ATXN3: variants seen among roughly 807,000 people sequenced by gnomAD.
ATXN3 encodes ataxin 3.
ATXN3 carries 28 observed loss-of-function variants against 58.2 expected under a neutral mutation model. The ratio of observed to expected loss-of-function variants is 0.48; its 90% confidence interval spans 0.36 to 0.66. ATXN3 has a LOEUF of 0.66. Among genes scored for constraint, ATXN3 ranks in the 30% least tolerant of loss-of-function variants. ATXN3 has a pLI of 0.00. For synonymous variants in ATXN3, 113 were observed against 138.5 expected, an observed-to-expected ratio of 0.82 and a Z score of 1.29; for missense variants, 321 against 422.1, an observed-to-expected ratio of 0.76 and a Z score of 2.10.
At chr14:92,050,811 C>T (rs994011322), upstream of ATXN3, among the ~76,000 whole-genome samples, 19 of 152,204 alleles carry the variant, frequency 1.2e-4, no homozygotes, top group African/African-American at 2.9e-4. Context: ...CCACCACACC[C>T]GGCTAATTTT....
intron 10 of ATXN3, among the ~76,000 whole-genome samples, chr14:92,067,880 A>G (rs373595567): frequency 5.3e-5 from 8 of 152,316 alleles, no homozygotes; most frequent in African/African-American, 1.9e-4. Flanking sequence ...CTGTGATGTC[A>G]AGGAGTGGCG....
At chr14:92,077,978 CTTT>C (rs112851203) in intron 9 of ATXN3, among the ~76,000 whole-genome samples, 9 of 140,274 alleles carry the variant, frequency 6.4e-5, no homozygotes, top group Admixed American at 1.4e-4. Flanking sequence ...TTTCTTTTCT[CTTT>C]TTTTTTTTTT....
chr14:92,102,204 G>T (rs562971378), intron 1 of ATXN3, among the ~76,000 whole-genome samples: 2 of 126,932 alleles, frequency 1.6e-5, no homozygotes, highest in East Asian at 4.6e-4. Flanking sequence ...TCCAAAGAAA[G>T]AAAAGAAAGA....
intron 1 of ATXN3, among the ~76,000 whole-genome samples, chr14:92,101,631 G>GA (rs1370163963): frequency 6.6e-6 from 1 of 152,186 alleles, no homozygotes; most frequent in Non-Finnish European, 1.5e-5. Context: ...GCCAAGGCAG[G>GA]TTGATCACTT....
At chr14:92,048,690 A>G (rs555611500) in intron 1 of ATXN3, among the ~76,000 whole-genome samples, 1 of 152,324 alleles carries the variant, frequency 6.6e-6, no homozygotes, top group African/African-American at 2.4e-5. Flanking sequence ...AGTCACAGAA[A>G]GAAACTGTAA....
intron 3 of ATXN3, among the ~76,000 whole-genome samples, chr14:92,095,445 T>C (rs1244869291): frequency 6.6e-6 from 1 of 150,564 alleles, no homozygotes; most frequent in Non-Finnish European, 1.5e-5. Flanking sequence ...GGTTTCACCA[T>C]GTTAGCCAGG....
intron 9 of ATXN3, among the ~76,000 whole-genome samples, chr14:92,073,052 G>A (rs919717031): frequency 3.3e-5 from 5 of 152,176 alleles, no homozygotes; most frequent in African/African-American, 1.2e-4. Flanking sequence ...CAAGAGGGAC[G>A]GACTGAGTTA....
At position 92,061,042 on chromosome 14, in the gene ATXN3, T is replaced by C. The variant is rs928883523; in HGVS notation, c.*3278A>G. ...CTACCACGCCCAGCCGCCACTAGCA[T>C]GATTTTAAAAATAGTATCAAAAATT... On this transcript the variant is annotated 3_prime_UTR_variant, in exon 11 of 11. Coordinates refer to ENST00000644486, the MANE Select transcript of ATXN3 (RefSeq NM_004993.6). The C allele has an allele frequency of 2.0e-5, 3 of 152,214 alleles. No individual in the cohort carries two copies. Among genetic ancestry groups the C allele is most frequent in the African/African-American group, 7.2e-5 (3 of 41,452 alleles). The allele number at this position is 152,214 out of a possible 1,614,324, so 9.4% of individuals were successfully genotyped here. A position where few individuals can be genotyped will look rare whatever the true frequency, so the allele number is the denominator to read the frequency against.
Position 92,070,745 on chromosome 14 carries a change from T to TA in ATXN3, c.991+189_991+190insT, listed in dbSNP as rs2059279645. The TA allele has an allele frequency of 1.7e-4, 60 of 358,524 alleles. 1 individual carries two copies. The South Asian group carries it at 2.7e-3, about 16-fold the overall frequency. The allele number at this position is 358,524 out of a possible 1,614,324, so 22.2% of individuals were successfully genotyped here. On this transcript the variant is annotated intron_variant, in intron 10 of 10. Transcript: ENST00000644486. ...ACAGATGTGAGCCACCACATCTAGC[T>TA]TTTTTTTTTTTTTTTCTTTTGGTAA...
At chr14:92,073,038 A>T (rs2059715592) in intron 9 of ATXN3, among the ~76,000 whole-genome samples, 1 of 152,246 alleles carries the variant, frequency 6.6e-6, no homozygotes, top group Non-Finnish European at 1.5e-5. Flanking sequence ...GCTGCAACAT[A>T]GCACAAGAGG....
At chr14:92,079,519 A>T in intron 9 of ATXN3, 1 of 772,218 alleles carries the variant, frequency 1.3e-6, no homozygotes, top group Non-Finnish European at 1.6e-6. Context: ...TTATACCATC[A>T]AATGTAAAAT....
downstream of ATXN3, among the ~76,000 whole-genome samples, chr14:92,054,967 C>T (rs546729522): frequency 1.9e-4 from 29 of 152,216 alleles, no homozygotes; most frequent in East Asian, 1.9e-4. Flanking sequence ...CTGCAACCTC[C>T]GCCTCCCGGG....
At chr14:92,056,552 T>C (rs1305146023), downstream of ATXN3, among the ~76,000 whole-genome samples, 1 of 152,150 alleles carries the variant, frequency 6.6e-6, no homozygotes, top group African/African-American at 2.4e-5. Flanking sequence ...TTATAGGAGA[T>C]ACTTAGAATC....
In ATXN3 at chr14:92,071,056, G is replaced by A. The variant is rs369561103; in HGVS notation, c.873-3C>T. 6.6e-6 allele frequency: 3 copies of A among 456,172 alleles called. No individual in the cohort carries two copies. The highest frequency in any genetic ancestry group is 7.9e-5 in the African/African-American group (1 of 12,636). The allele number at this position is 456,172 out of a possible 1,614,324, so 28.3% of individuals were successfully genotyped here. Reference sequence around the variant, plus strand: ...GCTGTTGCTGCTTTTGCTGCTGTCTGAAACATTCAAAAGTGAAGTATATTT... The same window carrying A: ...GCTGTTGCTGCTTTTGCTGCTGTCTAAAACATTCAAAAGTGAAGTATATTT... On this transcript the variant is annotated splice_region_variant and splice_polypyrimidine_tract_variant and intron_variant, in intron 9 of 10. Transcript: ENST00000644486.
upstream of ATXN3, among the ~76,000 whole-genome samples, chr14:92,052,264 G>A (rs1188849126): frequency 6.6e-6 from 1 of 152,054 alleles, no homozygotes; most frequent in East Asian, 1.9e-4. Context: ...GGAGGCTGAG[G>A]CGGGCGGATC....
Position 92,099,606 on chromosome 14 carries a change from T to C in ATXN3, c.25-2768A>G, listed in dbSNP as rs140950495. Among the ~76,000 whole-genome samples, 427 of 152,332 alleles carry C rather than the reference T, an allele frequency of 2.8e-3. 2 individuals are homozygous for C. The highest frequency in any genetic ancestry group is 1.0e-2 in the African/African-American group (415 of 41,576). On this transcript the variant is annotated intron_variant, in intron 1 of 10. Transcript: ENST00000644486. Reference sequence around the variant, plus strand: ...AGCCAAGGCTGGCTGCGGTGGCTCATGCCTGTAATCCCAGCATTTTGGGAG... The same window carrying C: ...AGCCAAGGCTGGCTGCGGTGGCTCACGCCTGTAATCCCAGCATTTTGGGAG...
At chr14:92,078,355 T>C (rs2060814476) in intron 9 of ATXN3, among the ~76,000 whole-genome samples, 2 of 128,490 alleles carry the variant, frequency 1.6e-5, no homozygotes, top group South Asian at 5.5e-4. Context: ...AAGTTATTTT[T>C]TATTATTTAT....
At chr14:92,067,510 C>CCTTA (rs2058659684) in intron 10 of ATXN3, among the ~76,000 whole-genome samples, 1 of 152,216 alleles carries the variant, frequency 6.6e-6, no homozygotes, top group African/African-American at 2.4e-5. Context: ...GATTTTCCTG[C>CCTTA]CTTAGCCTTC....
intron 1 of ATXN3, among the ~76,000 whole-genome samples, chr14:92,097,109 CTGT>C (rs2065526399): frequency 6.6e-6 from 1 of 151,858 alleles, no homozygotes; most frequent in African/African-American, 2.4e-5. Context: ...GGGTTTCATC[CTGT>C]GTTAGCCAGG....
Sources: gnomAD v4.1 joint callset for allele counts (sites outside exome capture counted in the v4.1 genomes callset) on GRCh38, gnomAD v4.1.1 for gene constraint, MANE v1.5 for transcripts, NCBI Gene and HGNC (gene_info 2026-07-23, HGNC 2026-07-21) for gene names.